Variants in IGF1R observed in about 807,000 individuals in gnomAD.
IGF1R encodes insulin-like growth factor 1 receptor.
In IGF1R, 44 loss-of-function variants were observed where a neutral mutation model predicts 144.6. That is an observed-to-expected ratio of 0.30 (90% CI 0.24 to 0.39). The LOEUF (loss-of-function observed/expected upper bound fraction) is 0.39. Among genes scored for constraint, IGF1R ranks in the 10% least tolerant of loss-of-function variants. The pLI is 1.00. For missense variants in IGF1R, 1,355 were observed against 1,833.7 expected, an observed-to-expected ratio of 0.74 and a Z score of 4.77; for synonymous variants, 795 against 722.8, an observed-to-expected ratio of 1.10 and a Z score of -1.60.
intron 2 of IGF1R, among the ~76,000 whole-genome samples, chr15:98,715,077 T>C (rs2141271278): frequency 6.6e-6 from 1 of 152,292 alleles, no homozygotes; most frequent in African/African-American, 2.4e-5. Flanking sequence ...GGTCAGCTGC[T>C]CCCAGTGTGG....
intron 3 of IGF1R, among the ~76,000 whole-genome samples, chr15:98,894,473 ATTATTACTC>A (rs1420226542): frequency 6.6e-6 from 1 of 152,246 alleles, no homozygotes; most frequent in Non-Finnish European, 1.5e-5. Flanking sequence ...ACCATGGAAT[ATTATTACTC>A]AGCAATAAAA....
At chr15:98,904,649 G>A (rs1233792275) in intron 5 of IGF1R, among the ~76,000 whole-genome samples, 1 of 152,218 alleles carries the variant, frequency 6.6e-6, no homozygotes, top group Non-Finnish European at 1.5e-5. Flanking sequence ...GACAGCCTGT[G>A]TCCTGGGTTC....
At chr15:98,831,596 C>T (rs554340054) in intron 2 of IGF1R, among the ~76,000 whole-genome samples, 2 of 152,150 alleles carry the variant, frequency 1.3e-5, no homozygotes, top group Non-Finnish European at 2.9e-5. Flanking sequence ...AAGAGAAAAA[C>T]CTAACAAATT....
intron 2 of IGF1R, among the ~76,000 whole-genome samples, chr15:98,715,042 G>T (rs76891001): frequency 1.3e-5 from 2 of 152,194 alleles, no homozygotes; most frequent in Non-Finnish European, 2.9e-5. Context: ...AACTTGTCTC[G>T]GTTGCCCTGG....
At chr15:98,829,682 A>G (rs369537701) in intron 2 of IGF1R, among the ~76,000 whole-genome samples, 4 of 152,374 alleles carry the variant, frequency 2.6e-5, no homozygotes, top group African/African-American at 9.6e-5. Context: ...GTTTGGGGAC[A>G]GTCTGTAACT....
At chr15:98,679,592 G>C (rs1267257757) in intron 1 of IGF1R, among the ~76,000 whole-genome samples, 1 of 152,216 alleles carries the variant, frequency 6.6e-6, no homozygotes, top group African/African-American at 2.4e-5. Flanking sequence ...CTTCCAGTCA[G>C]ATGAAAGTGC....
In IGF1R at chr15:98,930,576, A is replaced by G. The variant is rs373960094; in HGVS notation, c.2956+271A>G. The stretch of plus-strand genomic sequence containing the variant: ...ATGAATGTGGCCAGCGCAGTAATCA[A>G]TTTATTTAATTGCTTGAGATGTTAT... On this transcript the variant is annotated intron_variant, in intron 15 of 20. Transcript: ENST00000650285. Among the ~76,000 whole-genome samples the G allele has an allele frequency of 4.1e-4, 63 of 152,318 alleles. 1 individual carries two copies. In the South Asian group the frequency reaches 8.9e-3, roughly 22 times the overall value.
chr15:98,818,306 C>T (rs2056736789), intron 2 of IGF1R, among the ~76,000 whole-genome samples: 1 of 152,086 alleles, frequency 6.6e-6, no homozygotes. Flanking sequence ...CAGAGAGGGT[C>T]TGTAGGCCAT....
At chr15:98,941,042 A>G (rs1400841190) in intron 18 of IGF1R, among the ~76,000 whole-genome samples, 4 of 152,332 alleles carry the variant, frequency 2.6e-5, no homozygotes, top group Admixed American at 2.6e-4. Context: ...TCCCCGTGGA[A>G]ATGCCAGCCA....
intron 2 of IGF1R, among the ~76,000 whole-genome samples, chr15:98,768,715 C>G (rs60284621): frequency 7.1e-6 from 1 of 140,226 alleles, no homozygotes; most frequent in Non-Finnish European, 1.5e-5. Flanking sequence ...GTCAGGAGTT[C>G]GAGACCATCC....
chr15:98,944,893 C>T (rs993680723), intron 19 of IGF1R, among the ~76,000 whole-genome samples: 3 of 152,248 alleles, frequency 2.0e-5, no homozygotes, highest in African/African-American at 7.2e-5. Flanking sequence ...CTGTGTGACA[C>T]CCATTGGACC....
intron 2 of IGF1R, among the ~76,000 whole-genome samples, chr15:98,738,791 A>G (rs2141310584): frequency 6.6e-6 from 1 of 152,286 alleles, no homozygotes; most frequent in Middle Eastern, 3.4e-3. Context: ...TCATTTCCCC[A>G]GTGTACTCAC....
chr15:98,788,223 A>T (rs1401350227), intron 2 of IGF1R, among the ~76,000 whole-genome samples: 1 of 152,188 alleles, frequency 6.6e-6, no homozygotes, highest in Admixed American at 6.5e-5. Flanking sequence ...AGTTGTATGC[A>T]TCTTCTGCAA....
intron 2 of IGF1R, among the ~76,000 whole-genome samples, chr15:98,711,987 A>T (rs938551785): frequency 6.6e-6 from 1 of 152,214 alleles, no homozygotes; most frequent in Non-Finnish European, 1.5e-5. Context: ...CTTTTTTATA[A>T]GGGCACTAAT....
At chr15:98,884,538 C>A (rs1334050510) in intron 2 of IGF1R, among the ~76,000 whole-genome samples, 1 of 151,814 alleles carries the variant, frequency 6.6e-6, no homozygotes, top group African/African-American at 2.4e-5. Context: ...GCTAAAAATA[C>A]AAAAAATTAG....
chr15:98,929,328 T>TA (rs2015850294), intron 13 of IGF1R, among the ~76,000 whole-genome samples: 1 of 152,334 alleles, frequency 6.6e-6, no homozygotes, highest in South Asian at 2.1e-4. Flanking sequence ...TACTGTACTT[T>TA]AAAAAATGAG....
At chr15:98,946,016 G>A (rs546447039) in intron 19 of IGF1R, among the ~76,000 whole-genome samples, 20 of 151,834 alleles carry the variant, frequency 1.3e-4, no homozygotes, top group Admixed American at 4.6e-4. Flanking sequence ...TGATGATGAC[G>A]ATGATGACGA....
chr15:98,814,323 C>T (rs1025732147), intron 2 of IGF1R, among the ~76,000 whole-genome samples: 1 of 152,102 alleles, frequency 6.6e-6, no homozygotes, highest in Non-Finnish European at 1.5e-5. Context: ...GCACTGCTTT[C>T]GGTGCCCTTA....
chr15:98,845,040 T>C (rs530698896), intron 2 of IGF1R, among the ~76,000 whole-genome samples: 1 of 152,032 alleles, frequency 6.6e-6, no homozygotes, highest in African/African-American at 2.4e-5. Flanking sequence ...CACCAAGGAG[T>C]TTACATGAGT....
Sources: allele counts gnomAD v4.1 joint callset (sites outside exome capture counted in the v4.1 genomes callset), GRCh38; gene constraint gnomAD v4.1.1; transcripts MANE v1.5; gene names NCBI Gene and HGNC (gene_info 2026-07-23, HGNC 2026-07-21).